The following MCF2L variants were observed in gnomAD, a reference collection of about 807,000 sequenced individuals.
The protein encoded by MCF2L is guanine nucleotide exchange factor DBS.
MCF2L carries 97 observed loss-of-function variants against 153.4 expected under a neutral mutation model. The observed-to-expected ratio is 0.63, with a 90% CI of 0.54 to 0.75. The LOEUF (loss-of-function observed/expected upper bound fraction) is 0.75, where lower values mean the gene tolerates loss of function less well. Ranked by LOEUF, MCF2L falls within the 30% of genes least tolerant of loss-of-function variation. The pLI is 0.00. For missense variants in MCF2L, 1,347 were observed against 1,495.2 expected (o/e 0.90, Z 1.64); for synonymous variants, 659 against 632.2 (o/e 1.04, Z -0.64).
At chr13:113,009,542 A>G (rs1034514443) in intron 1 of MCF2L, 1 of 150,192 alleles carries the variant, frequency 6.7e-6, no homozygotes, top group Non-Finnish European at 1.5e-5. Context: ...TTTTGTCCCA[A>G]TGGCAGGGAC....
At chr13:112,935,529 A>T (rs546396504) in intron 2 of MCF2L, among the ~76,000 whole-genome samples, 124 of 152,228 alleles carry the variant, frequency 8.1e-4, no homozygotes, top group Non-Finnish European at 1.6e-3. Flanking sequence ...AATGCTGGGA[A>T]TACAGGCGTG....
Position 113,070,228 on chromosome 13 carries a change from T to A in MCF2L, c.996+55T>A. Reference sequence around the variant, plus strand: ...GCCCTGATGCTCACGGGGCCTCCTGTGCCTGCGCCCTGGTCCCAGTGCCGG... The same window carrying A: ...GCCCTGATGCTCACGGGGCCTCCTGAGCCTGCGCCCTGGTCCCAGTGCCGG... On this transcript the variant is annotated intron_variant, in intron 9 of 29. Coordinates refer to ENST00000535094, the MANE Select transcript of MCF2L (RefSeq NM_001112732.3). This position sits in a 1 kb window ranked among gnomAD's most constrained non-coding sequence, Gnocchi z 5.6. The A allele has an allele frequency of 8.0e-7, 1 of 1,253,450 alleles. No homozygotes were observed. The highest frequency in any genetic ancestry group is 1.4e-5 in the South Asian group (1 of 69,984). The allele number at this position is 1,253,450 out of a possible 1,614,324, so 77.6% of individuals were successfully genotyped here. A position where few individuals can be genotyped will look rare whatever the true frequency, so the allele number is the denominator to read the frequency against.
chr13:113,039,948 G>A (rs533879555), intron 3 of MCF2L, among the ~76,000 whole-genome samples: 1 of 152,330 alleles, frequency 6.6e-6, no homozygotes, highest in East Asian at 1.9e-4. Flanking sequence ...GAAGCTCATT[G>A]TCTTATGTTC....
chr13:112,982,908 G>A (rs1011987893), intron 1 of MCF2L, among the ~76,000 whole-genome samples: 1 of 152,166 alleles, frequency 6.6e-6, no homozygotes, highest in Non-Finnish European at 1.5e-5. Context: ...AGGTGTGGAG[G>A]GGGTGTCGGT....
chr13:112,986,699 G>A (rs919934541), intron 1 of MCF2L, among the ~76,000 whole-genome samples: 1 of 152,230 alleles, frequency 6.6e-6, no homozygotes, highest in African/African-American at 2.4e-5. Context: ...CTGCTGGGCG[G>A]GCCTGCCTGC....
At chr13:112,979,704 C>T (rs375543155) in intron 1 of MCF2L, 19 of 1,612,628 alleles carry the variant, frequency 1.2e-5, no homozygotes, top group African/African-American at 2.7e-5. Context: ...AACCCTGCGG[C>T]GGCTGTGGTC....
At chr13:112,991,227 C>T (rs899058745) in intron 1 of MCF2L, among the ~76,000 whole-genome samples, 1 of 152,206 alleles carries the variant, frequency 6.6e-6, no homozygotes, top group Non-Finnish European at 1.5e-5. Flanking sequence ...ACTTTGTACA[C>T]GTTGTGTGGG....
intron 2 of MCF2L, among the ~76,000 whole-genome samples, chr13:112,959,423 C>T (rs762823579): frequency 2.6e-5 from 4 of 152,078 alleles, no homozygotes; most frequent in African/African-American, 7.2e-5. Context: ...CTCTCTGGCA[C>T]GGCCTCGGTG....
At chr13:112,902,277 T>C (rs1327315502) in exon 2 of MCF2L, 1 of 1,612,860 alleles carries the variant, frequency 6.2e-7, no homozygotes, top group Admixed American at 1.7e-5. Context: ...AACGGCCCAA[T>C]GAGGCCAAAA....
rs60864968 is a variant in MCF2L at position 112,985,923 on chromosome 13, G to A, written c.79+16465G>A. Among the ~76,000 whole-genome samples, 810 of 152,280 alleles carry A rather than the reference G, an allele frequency of 5.3e-3. 25 individuals are homozygous for A. In the East Asian group the frequency reaches 0.1, roughly 19 times the overall value. On this transcript the variant is annotated intron_variant, in intron 1 of 29. Coordinates refer to ENST00000535094, the MANE Select transcript of MCF2L (RefSeq NM_001112732.3). ...GGTGACGTGCCTGAGGATCGGCCCC[G>A]GCACACCGAAGCCCGGTTTATGCAG...
Position 112,945,001 on chromosome 13 carries a change from ATTTTT to A in MCF2L, c.169+42642_169+42646del, listed in dbSNP as rs10690779. Among the ~76,000 whole-genome samples, 6 of 139,360 alleles carry A rather than the reference ATTTTT, an allele frequency of 4.3e-5. No individual in the cohort carries two copies. In the South Asian group the frequency reaches 1.1e-3, roughly 26 times the overall value. 91.4% of individuals were successfully genotyped at this position (139,360 alleles called of 152,430 possible). The stretch of plus-strand genomic sequence containing the variant: ...GATGCAATGCCAATTAGGCACCACT[ATTTTT>A]TTTTTTTTTTTGTATAAAACATTTG... On this transcript the variant is annotated intron_variant, in intron 2 of 29. Coordinates refer to the MCF2L transcript ENST00000375608.
At chr13:112,912,908 CTG>C (rs1304823211) in intron 2 of MCF2L, among the ~76,000 whole-genome samples, 6 of 136,756 alleles carry the variant, frequency 4.4e-5, no homozygotes, top group African/African-American at 1.1e-4. Context: ...TGGTGTATCT[CTG>C]TGTATGTATG....
intron 1 of MCF2L, among the ~76,000 whole-genome samples, chr13:112,981,873 G>A (rs1418671857): frequency 4.6e-5 from 7 of 152,238 alleles, no homozygotes; most frequent in East Asian, 1.9e-4. Context: ...TGTCTCCCTC[G>A]GCAGGAGCTC....
intron 1 of MCF2L, among the ~76,000 whole-genome samples, chr13:112,991,293 G>T (rs559126436): frequency 6.6e-6 from 1 of 151,782 alleles, no homozygotes. Flanking sequence ...GCTGTGTTTT[G>T]GGGGGCGTCT....
At position 113,045,170 on chromosome 13, in the gene MCF2L, A is replaced by T; in HGVS notation, c.279-101A>T. The T allele has an allele frequency of 9.3e-7, 1 of 1,076,334 alleles. No individual in the cohort carries two copies. The highest frequency in any genetic ancestry group is 2.4e-5 in the East Asian group (1 of 41,986). The allele number at this position is 1,076,334 out of a possible 1,614,324, so 66.7% of individuals were successfully genotyped here. ...CTGGTATTGCAGAAATGGCATCATG[A>T]ATATGGGGGATCGCTCTCCCAAGAG... On this transcript the variant is annotated intron_variant, in intron 3 of 29. Coordinates refer to ENST00000535094, the MANE Select transcript of MCF2L (RefSeq NM_001112732.3). This position sits in a 1 kb window ranked among gnomAD's most constrained non-coding sequence, Gnocchi z 4.2.
intron 2 of MCF2L, among the ~76,000 whole-genome samples, chr13:112,949,705 C>G (rs541628347): frequency 1.8e-4 from 27 of 150,096 alleles, no homozygotes; most frequent in East Asian, 1.8e-3. Context: ...AAAAAAACAA[C>G]AAAACTCTAG....
Position 113,089,701 on chromosome 13 carries a change from C to G in MCF2L, c.2926C>G (p.Leu976Val). ...GGAGGGATACGTCAGCTCAGCGCCACTGACAAAGCCCCCCGAAAAGGGCAA... is the reference window on the plus strand; with the variant it reads ...GGAGGGATACGTCAGCTCAGCGCCAGTGACAAAGCCCCCCGAAAAGGGCAA... ...SLEGYVSSAPLTKPPEKGKGW... is the reference protein window; with the variant it reads ...SLEGYVSSAPVTKPPEKGKGW... Residue 976 changes from leucine to valine, a missense_variant, in exon 26 of 30, where the codon CTG becomes GTG. Leu to Val is a conservative substitution (Grantham distance 32). Transcript: ENST00000535094. 1.2e-6 allele frequency: 2 copies of G among 1,613,886 alleles called. No individual in the cohort carries two copies. The highest frequency in any genetic ancestry group is 1.7e-6 in the Non-Finnish European group (2 of 1,180,010).
intron 5 of MCF2L, among the ~76,000 whole-genome samples, chr13:113,063,105 G>A (rs1338108277): frequency 6.6e-6 from 1 of 152,248 alleles, no homozygotes; most frequent in Admixed American, 6.5e-5. Flanking sequence ...CCGCACTCGT[G>A]TGGAGTTTTG....
chr13:112,971,473 A>G (rs2082037080), intron 1 of MCF2L, among the ~76,000 whole-genome samples: 1 of 152,166 alleles, frequency 6.6e-6, no homozygotes, highest in African/African-American at 2.4e-5. Flanking sequence ...GATTGCGTAC[A>G]GCGGCTGGCC....
Sources: allele counts gnomAD v4.1 joint callset (sites outside exome capture counted in the v4.1 genomes callset), GRCh38; gene constraint gnomAD v4.1.1; non-coding constraint Gnocchi (gnomAD v3.1); transcripts MANE v1.5; gene names NCBI Gene and HGNC (gene_info 2026-07-23, HGNC 2026-07-21).